Variants in ANXA6 observed in about 807,000 individuals in gnomAD.
ANXA6 encodes the protein 67 kDa calelectrin.
ANXA6 carries 71 observed loss-of-function variants against 95.4 expected under a neutral mutation model. That is an observed-to-expected ratio of 0.74 (90% CI 0.61 to 0.91). The LOEUF is 0.91. Among genes scored for constraint, ANXA6 ranks in the 40% least tolerant of loss-of-function variants. The pLI, the probability that ANXA6 is intolerant of heterozygous loss-of-function variation, is 0.00. For synonymous variants in ANXA6, 289 were observed against 315.9 expected (o/e 0.91, Z 0.90); for missense variants, 830 against 876.4 (o/e 0.95, Z 0.67).
intron 2 of ANXA6, among the ~76,000 whole-genome samples, chr5:151,143,159 C>T (rs1384314068): frequency 6.6e-6 from 1 of 152,190 alleles, no homozygotes; most frequent in African/African-American, 2.4e-5. Flanking sequence ...CAAGACCACA[C>T]AGCAAGTCAG....
chr5:151,144,628 C>T (rs1582016821), intron 2 of ANXA6, among the ~76,000 whole-genome samples: 1 of 152,132 alleles, frequency 6.6e-6, no homozygotes, highest in Non-Finnish European at 1.5e-5. Flanking sequence ...TGTTCTCCCC[C>T]TCATACAATG....
intron 19 of ANXA6, 84 bp downstream of exon 19, chr5:151,117,674 C>A: frequency 8.2e-7 from 1 of 1,214,448 alleles, no homozygotes; most frequent in East Asian, 2.5e-5. Context: ...TTCTAACTCC[C>A]CTGTGCCCTC....
Position 151,126,380 on chromosome 5 carries a change from CAGG to C in ANXA6, c.1056+19_1056+21del. On this transcript the variant is annotated intron_variant, in intron 14 of 25. Coordinates refer to ENST00000354546, the MANE Select transcript of ANXA6 (RefSeq NM_001155.5). ...GAGAAGCTGTGGTCAAGAGGTCAAGCAGGAGGAGGGGAAGGTCTGACCTCTACT... is the reference window on the plus strand; with the variant it reads ...GAGAAGCTGTGGTCAAGAGGTCAAGCAGGAGGGGAAGGTCTGACCTCTACT... 6.3e-7 allele frequency: 1 copy of C among 1,595,286 alleles called. No individual in the cohort carries two copies. Among genetic ancestry groups the C allele is most frequent in the Non-Finnish European group, 8.6e-7 (1 of 1,169,114 alleles).
At chr5:151,110,822 A>G (rs1364364090) in intron 20 of ANXA6, among the ~76,000 whole-genome samples, 178 bp from the exon 21 acceptor site, 2 of 152,158 alleles carry the variant, frequency 1.3e-5, no homozygotes, top group African/African-American at 2.4e-5. Flanking sequence ...GGACAAGATA[A>G]AAATACCTTC....
chr5:151,104,805 C>T (rs1764649600), intron 24 of ANXA6, among the ~76,000 whole-genome samples: 1 of 152,144 alleles, frequency 6.6e-6, no homozygotes, highest in African/African-American at 2.4e-5. Flanking sequence ...GACCCTGTGT[C>T]CCCGGATAGA....
rs1011348530 is a variant in ANXA6 at position 151,140,039 on chromosome 5, A to G, written c.109+114T>C. 3.9e-6 allele frequency: 3 copies of G among 763,042 alleles called. No homozygotes were observed. In the African/African-American group the frequency reaches 5.3e-5, roughly 13 times the overall value. 47.3% of individuals were successfully genotyped at this position (763,042 alleles called of 1,614,324 possible). A position where few individuals can be genotyped will look rare whatever the true frequency, so the allele number is the denominator to read the frequency against. ...TTAATAAAAAGAGGAGACCAAAAAA[A>G]TGAATAAGTGCACTTCACCATTTCA... On this transcript the variant is annotated intron_variant, in intron 3 of 25. Transcript: ENST00000354546.
At chr5:151,121,469 G>A (rs1765166563) in intron 17 of ANXA6, among the ~76,000 whole-genome samples, 1 of 152,246 alleles carries the variant, frequency 6.6e-6, no homozygotes, top group South Asian at 2.1e-4. Context: ...AGGACATAAT[G>A]CTTTCTTGTT....
intron 20 of ANXA6, among the ~76,000 whole-genome samples, chr5:151,113,690 G>T (rs1031921901): frequency 6.6e-6 from 1 of 152,130 alleles, no homozygotes; most frequent in African/African-American, 2.4e-5. Flanking sequence ...ACAAAAGCTT[G>T]TTCTTATTAG....
chr5:151,147,956 T>TC, intron 1 of ANXA6, 30 bp from the exon 2 acceptor site: 1 of 1,572,470 alleles, frequency 6.4e-7, no homozygotes, highest in Non-Finnish European at 8.7e-7. Context: ...CATGTGAGAT[T>TC]CCCCCCAACT....
intron 13 of ANXA6, 143 bp downstream of exon 13, chr5:151,128,038 A>G: frequency 1.4e-6 from 1 of 710,250 alleles, no homozygotes; most frequent in South Asian, 1.6e-5. Flanking sequence ...CTACCAGCAA[A>G]AGCCGCCTTT....
chr5:151,124,396 GT>G (rs773248351), intron 14 of ANXA6, 29 bp from the exon 15 acceptor site: 201 of 1,587,294 alleles, frequency 1.3e-4, no homozygotes, highest in Middle Eastern at 6.6e-4. Context: ...GACTCAGCAG[GT>G]GTCTGAAGGC....
intron 2 of ANXA6, among the ~76,000 whole-genome samples, chr5:151,141,076 G>A (rs888918719): frequency 1.3e-5 from 2 of 152,254 alleles, no homozygotes; most frequent in African/African-American, 4.8e-5. Flanking sequence ...CTTGGTCTTT[G>A]AGGGGAAGGA....
At position 151,140,244 on chromosome 5, in the gene ANXA6, C is replaced by T. The variant is rs757575227; in HGVS notation, c.19-1G>A. 3.1e-6 allele frequency: 5 copies of T among 1,613,686 alleles called. No homozygotes were observed. In the African/African-American group the frequency reaches 6.7e-5, roughly 22 times the overall value. Reference sequence around the variant, plus strand: ...GGATGGAGCCCCGGTACTTGGCACCCTGTGGAGAAAAAAGTAGAGGGTGAG... The same window carrying T: ...GGATGGAGCCCCGGTACTTGGCACCTTGTGGAGAAAAAAGTAGAGGGTGAG... On this transcript the variant is annotated splice_acceptor_variant, in intron 2 of 25. Coordinates refer to ENST00000354546, the MANE Select transcript of ANXA6 (RefSeq NM_001155.5). LOFTEE classifies it high-confidence loss of function.
intron 18 of ANXA6, among the ~76,000 whole-genome samples, chr5:151,118,317 T>C (rs1765062791): frequency 6.6e-6 from 1 of 151,762 alleles, no homozygotes; most frequent in Non-Finnish European, 1.5e-5. Context: ...TGGAGTGCAG[T>C]TGGCATGATC....
At chr5:151,129,868 G>A (rs749922678) in intron 11 of ANXA6, among the ~76,000 whole-genome samples, 3 of 151,928 alleles carry the variant, frequency 2.0e-5, no homozygotes, top group Admixed American at 6.6e-5. Flanking sequence ...CCACCACTAC[G>A]CCTGGCTAAT....
At chr5:151,119,206 A>T in intron 18 of ANXA6, 94 bp downstream of exon 18, 1 of 1,020,456 alleles carries the variant, frequency 9.8e-7, no homozygotes, top group Non-Finnish European at 1.5e-6. Flanking sequence ...GAAAGGAGAC[A>T]GGCCAGAGTC....
rs370606649 is a variant in ANXA6, at chr5:151,131,182, C to G, written c.795+49G>C. 10 of 1,597,038 alleles carry G rather than the reference C, an allele frequency of 6.3e-6. No homozygotes were observed. In the East Asian group the frequency reaches 6.7e-5, roughly 11 times the overall value. ...GGATCCCAAGGACTTGTCAAAGACT[C>G]CCAATAGTCCTCTCCCCAAACCCCA... On this transcript the variant is annotated intron_variant, in intron 11 of 25. Coordinates refer to ENST00000354546, the MANE Select transcript of ANXA6 (RefSeq NM_001155.5).
chr5:151,151,113 T>G (rs10077099), intron 1 of ANXA6: 1 of 152,124 alleles, frequency 6.6e-6, no homozygotes, highest in African/African-American at 2.4e-5. Context: ...AGTTCATATG[T>G]AAAAAGCAAG....
chr5:151,104,778 G>T (rs1764648600), intron 24 of ANXA6, among the ~76,000 whole-genome samples: 1 of 152,222 alleles, frequency 6.6e-6, no homozygotes, highest in African/African-American at 2.4e-5. Context: ...GACCTTTGAT[G>T]ACTATTTGTC....
Sources: allele counts gnomAD v4.1 joint callset (sites outside exome capture counted in the v4.1 genomes callset), GRCh38; gene constraint gnomAD v4.1.1; transcripts MANE v1.5; gene names NCBI Gene and HGNC (gene_info 2026-07-23, HGNC 2026-07-21).